The following NHSL2 variants were observed in gnomAD, a reference collection of about 807,000 sequenced individuals.
NHSL2 encodes NHS-like protein 2.
Under a neutral mutation model 53.4 loss-of-function variants are expected in NHSL2, and 27 were observed. That is an observed-to-expected ratio of 0.51 (90% CI 0.37 to 0.70). NHSL2 has a LOEUF of 0.70. Among genes scored for constraint, NHSL2 ranks in the 30% least tolerant of loss-of-function variants. NHSL2 has a pLI of 0.00. For synonymous variants in NHSL2, 408 were observed against 404.1 expected, an observed-to-expected ratio of 1.01 and a Z score of -0.12; for missense variants, 892 against 980.1, an observed-to-expected ratio of 0.91 and a Z score of 1.20.
chrX:71,973,601 C>A (rs1168896148), intron 1 of NHSL2, among the ~76,000 whole-genome samples: 1 of 110,939 alleles, frequency 9.0e-6, no homozygotes, highest in East Asian at 2.9e-4. Context: ...AGTGACACCC[C>A]TTACTCTAAG....
rs536189867 is a variant in NHSL2, at chrX:72,039,907, C to T, written c.281-92172C>T. On this transcript the variant is annotated intron_variant, in intron 1 of 7. Transcript: ENST00000633930. ...AGGGCCTAACATTTATTGAGCTCTA[C>T]TCTGTACCCCAACACCAAGTTAAGT... Among the ~76,000 whole-genome samples, 10 of 112,118 alleles carry T rather than the reference C, an allele frequency of 8.9e-5. No homozygotes were observed. The South Asian group carries it at 1.1e-3, about 13-fold the overall frequency.
chrX:72,023,750 C>T lies in NHSL2; in HGVS notation c.281-108329C>T, dbSNP rs113752048. On this transcript the variant is annotated intron_variant, in intron 1 of 7. Transcript: ENST00000633930. The stretch of plus-strand genomic sequence containing the variant: ...TCCTCTGAGCTCTTGACATTCTTGG[C>T]ATGCAACAGGAAGAGAAGCATGGAT... 4.8e-3 allele frequency among the ~76,000 whole-genome samples: 538 copies of T among 111,780 alleles called. 3 individuals carry two copies. The highest frequency in any genetic ancestry group is 0.017 in the African/African-American group (511 of 30,745).
intron 1 of NHSL2, among the ~76,000 whole-genome samples, chrX:72,040,185 G>C (rs2042265879): frequency 9.0e-6 from 1 of 111,614 alleles, no homozygotes; most frequent in Admixed American, 9.4e-5. Context: ...TCCTGTTAGG[G>C]AATGTGCCCT....
At chrX:72,092,682 G>A (rs768439511) in intron 1 of NHSL2, among the ~76,000 whole-genome samples, 2 of 111,804 alleles carry the variant, frequency 1.8e-5, no homozygotes, top group South Asian at 7.3e-4. Context: ...TGTGAGTGAG[G>A]GAGGCATGGG....
At chrX:71,933,876 C>T (rs913172859) in intron 1 of NHSL2, among the ~76,000 whole-genome samples, 1 of 111,442 alleles carries the variant, frequency 9.0e-6, no homozygotes, top group African/African-American at 3.3e-5. Flanking sequence ...GGAAATATTG[C>T]GTTGGCTTCA....
intron 1 of NHSL2, among the ~76,000 whole-genome samples, chrX:72,115,419 G>A (rs2042128171): frequency 1.3e-5 from 1 of 76,925 alleles, no homozygotes; most frequent in Non-Finnish European, 2.4e-5. Context: ...ACCTCCCGAA[G>A]TTTGGTGGGG....
chrX:72,125,205 G>A (rs2042213629), intron 1 of NHSL2, among the ~76,000 whole-genome samples: 1 of 112,258 alleles, frequency 8.9e-6, no homozygotes, highest in African/African-American at 3.2e-5. Flanking sequence ...TCTCAGATGA[G>A]CCCCTAGTAA....
At chrX:72,126,743 C>A (rs183964504) in intron 1 of NHSL2, among the ~76,000 whole-genome samples, 1 of 111,865 alleles carries the variant, frequency 8.9e-6, no homozygotes, top group Non-Finnish European at 1.9e-5. Flanking sequence ...TCACTGGTAT[C>A]CCATAGCGCC....
At chrX:72,004,003 C>T (rs900226465) in intron 1 of NHSL2, among the ~76,000 whole-genome samples, 3 of 111,939 alleles carry the variant, frequency 2.7e-5, no homozygotes, top group African/African-American at 9.8e-5. Context: ...TTATCAGGGG[C>T]AGGACTTGGG....
rs1372955787 is a variant in NHSL2 at position 72,148,316 on chromosome X, T to G, written c.*4742T>G. 1 of 111,813 alleles carries G rather than the reference T, an allele frequency of 8.9e-6. No homozygotes were observed. Among genetic ancestry groups the G allele is most frequent in the African/African-American group, 3.3e-5 (1 of 30,753 alleles). The allele number at this position is 111,813 out of a possible 1,213,427, so 9.2% of individuals were successfully genotyped here. On this transcript the variant is annotated 3_prime_UTR_variant, in exon 8 of 8. Transcript: ENST00000633930. ...TATTGGTGGTGATTATTAAACTTATTGGAGGTACAACTTTACCTCCAATAA... is the reference window on the plus strand; with the variant it reads ...TATTGGTGGTGATTATTAAACTTATGGGAGGTACAACTTTACCTCCAATAA...
intron 1 of NHSL2, among the ~76,000 whole-genome samples, chrX:72,105,515 G>C (rs1005940395): frequency 8.9e-6 from 1 of 111,787 alleles, no homozygotes; most frequent in African/African-American, 3.3e-5. Flanking sequence ...AGTGGGATGA[G>C]GTAGGCGGAA....
intron 1 of NHSL2, among the ~76,000 whole-genome samples, chrX:72,098,537 C>T (rs1256716703): frequency 6.8e-5 from 7 of 103,240 alleles, no homozygotes; most frequent in African/African-American, 1.8e-4. Flanking sequence ...GCGAAGATTG[C>T]GCCACTGCAC....
At chrX:72,094,133 G>T (rs771050197) in intron 1 of NHSL2, among the ~76,000 whole-genome samples, 109 of 111,399 alleles carry the variant, frequency 9.8e-4, no homozygotes, top group African/African-American at 3.4e-3. Context: ...TGTATAAATA[G>T]TTACTTTAAA....
At chrX:71,949,294 G>A (rs1488773413) in intron 1 of NHSL2, among the ~76,000 whole-genome samples, 1 of 111,021 alleles carries the variant, frequency 9.0e-6, no homozygotes, top group Non-Finnish European at 1.9e-5. Flanking sequence ...CCTGGGCTGG[G>A]CGTGGGTGAG....
At chrX:71,985,049 T>C (rs1455834000) in intron 1 of NHSL2, among the ~76,000 whole-genome samples, 1 of 111,162 alleles carries the variant, frequency 9.0e-6, no homozygotes, top group Non-Finnish European at 1.9e-5. Flanking sequence ...GGTGTCGATC[T>C]CCTGACCTCG....
At chrX:72,031,829 A>T (rs2042216775) in intron 1 of NHSL2, among the ~76,000 whole-genome samples, 1 of 111,258 alleles carries the variant, frequency 9.0e-6, no homozygotes, top group Non-Finnish European at 1.9e-5. Flanking sequence ...TTATTTTGCA[A>T]TTTTAGACTC....
intron 1 of NHSL2, among the ~76,000 whole-genome samples, chrX:72,123,561 A>G (rs1353643335): frequency 9.0e-6 from 1 of 111,042 alleles, no homozygotes; most frequent in East Asian, 2.8e-4. Flanking sequence ...CAATTTGGGG[A>G]CACTCTTTCT....
At chrX:71,943,514 A>G (rs1014251249) in intron 1 of NHSL2, among the ~76,000 whole-genome samples, 1 of 112,646 alleles carries the variant, frequency 8.9e-6, no homozygotes, top group Non-Finnish European at 1.9e-5. Context: ...GGTCTTTACT[A>G]TTCCACAGAT....
chrX:72,142,417 T>G, intron 7 of NHSL2, 53 bp downstream of exon 7: 1 of 955,656 alleles, frequency 1.0e-6, no homozygotes, highest in Non-Finnish European at 1.4e-6. Flanking sequence ...TTTTTGTACT[T>G]AAAGAAAACC....
Sources: gnomAD v4.1 joint callset for allele counts (sites outside exome capture counted in the v4.1 genomes callset) on GRCh38, gnomAD v4.1.1 for gene constraint, MANE v1.5 for transcripts, NCBI Gene and HGNC (gene_info 2026-07-23, HGNC 2026-07-21) for gene names.